ATP9B: variants seen among roughly 807,000 people sequenced by gnomAD.
ATP9B encodes the protein probable phospholipid-transporting ATPase IIB.
ATP9B carries 110 observed loss-of-function variants against 146.1 expected under a neutral mutation model. The ratio of observed to expected loss-of-function variants is 0.75; its 90% CI spans 0.65 to 0.88. ATP9B has a LOEUF of 0.88. Ranked by LOEUF, ATP9B falls within the 40% of genes least tolerant of loss-of-function variation. The probability of loss-of-function intolerance (pLI) is 0.00; values close to 1 mark genes in which losing one functional copy is unlikely to be tolerated. For synonymous variants in ATP9B, 604 were observed against 569.7 expected (o/e 1.06, Z -0.86); for missense variants, 1,499 against 1,496.4 (o/e 1.00, Z -0.03).
chr18:79,214,076 A>G, intron 11 of ATP9B, 38 bp downstream of exon 11: 1 of 1,471,788 alleles, frequency 6.8e-7, no homozygotes, highest in Middle Eastern at 1.8e-4. Context: ...TAATGAACTT[A>G]TTTTTCCTTT....
chr18:79,321,492 C>T (rs1599950490), intron 15 of ATP9B, among the ~76,000 whole-genome samples: 1 of 152,188 alleles, frequency 6.6e-6, no homozygotes, highest in Non-Finnish European at 1.5e-5. Flanking sequence ...AAGCGATTCT[C>T]CTGCCTCAGC....
intron 4 of ATP9B, among the ~76,000 whole-genome samples, chr18:79,125,922 A>T (rs1219270801): frequency 6.6e-6 from 1 of 152,216 alleles, no homozygotes; most frequent in Non-Finnish European, 1.5e-5. Flanking sequence ...CAGTCATTGT[A>T]AATTTTGTAT....
chr18:79,164,684 A>C (rs2094938556), intron 7 of ATP9B, among the ~76,000 whole-genome samples: 1 of 152,178 alleles, frequency 6.6e-6, no homozygotes. Flanking sequence ...GCGCCACTGC[A>C]CTCCAGGCTG....
At chr18:79,207,082 C>T in intron 10 of ATP9B, 70 bp downstream of exon 10, 3 of 1,454,474 alleles carry the variant, frequency 2.1e-6, no homozygotes, top group South Asian at 1.2e-5. Context: ...TCCAGGGACT[C>T]CAAACAAGGG....
intron 25 of ATP9B, among the ~76,000 whole-genome samples, chr18:79,356,447 C>T (rs2096953725): frequency 6.6e-6 from 1 of 152,210 alleles, no homozygotes; most frequent in African/African-American, 2.4e-5. Context: ...ATATTTACAG[C>T]AGTTTTATTT....
intron 7 of ATP9B, chr18:79,174,254 C>T: frequency 2.9e-6 from 1 of 340,888 alleles, no homozygotes; most frequent in Non-Finnish European, 5.8e-6. Context: ...GTGTAATGGA[C>T]TGCTGCGTCA....
chr18:79,305,022 G>C (rs113678419), intron 14 of ATP9B, among the ~76,000 whole-genome samples: 2 of 151,642 alleles, frequency 1.3e-5, no homozygotes, highest in Non-Finnish European at 2.9e-5. Flanking sequence ...ACTGCTCCCC[G>C]GACTTGCAGA....
At chr18:79,185,899 G>A (rs2095304200) in intron 8 of ATP9B, among the ~76,000 whole-genome samples, 1 of 152,178 alleles carries the variant, frequency 6.6e-6, no homozygotes, top group African/African-American at 2.4e-5. Context: ...TGGAAGAGCT[G>A]AGGACACAGC....
At chr18:79,271,236 TTTATTA>T (rs556752249) in intron 12 of ATP9B, among the ~76,000 whole-genome samples, 4 of 151,604 alleles carry the variant, frequency 2.6e-5, no homozygotes, top group Non-Finnish European at 5.9e-5. Context: ...CTGTATTTTC[TTTATTA>T]TTATTATTAT....
intron 1 of ATP9B, chr18:79,087,311 C>T (rs1238549794): frequency 1.3e-5 from 2 of 152,226 alleles, no homozygotes; most frequent in Non-Finnish European, 2.9e-5. Context: ...GCTTCCAACA[C>T]ATGAATTTGG....
intron 1 of ATP9B, among the ~76,000 whole-genome samples, chr18:79,096,027 A>G (rs1290252768): frequency 6.6e-6 from 1 of 152,258 alleles, no homozygotes; most frequent in African/African-American, 2.4e-5. Context: ...ACAGACAGCT[A>G]CATACTGTCG....
Position 79,261,533 on chromosome 18 carries a change from C to T in ATP9B, c.1268+7992C>T, listed in dbSNP as rs369806638. Among the ~76,000 whole-genome samples, 20 of 152,192 alleles carry T rather than the reference C, an allele frequency of 1.3e-4. No homozygotes were observed. In the East Asian group the frequency reaches 3.5e-3, roughly 27 times the overall value. On this transcript the variant is annotated intron_variant, in intron 12 of 29. Coordinates refer to ENST00000426216, the MANE Select transcript of ATP9B (RefSeq NM_198531.5). Reference sequence around the variant, plus strand: ...AGAGCTGGAGAGAGGCAGAGCAGCCCACCTCCACCCTCCACACCCCACCAC... The same window carrying T: ...AGAGCTGGAGAGAGGCAGAGCAGCCTACCTCCACCCTCCACACCCCACCAC...
chr18:79,108,120 G>C (rs2075774493), intron 2 of ATP9B, among the ~76,000 whole-genome samples: 1 of 152,150 alleles, frequency 6.6e-6, no homozygotes, highest in Non-Finnish European at 1.5e-5. Context: ...ATGAGCCCCT[G>C]CCATGGGGGA....
intron 24 of ATP9B, 70 bp from the exon 25 acceptor site, chr18:79,348,062 C>A: frequency 1.2e-6 from 2 of 1,605,632 alleles, no homozygotes; most frequent in Non-Finnish European, 1.7e-6. Flanking sequence ...TAGCGAGGCC[C>A]CTGAGAGGCT....
At chr18:79,095,691 T>G (rs1424140946) in intron 1 of ATP9B, 1 of 152,220 alleles carries the variant, frequency 6.6e-6, no homozygotes, top group African/African-American at 2.4e-5. Flanking sequence ...CCACAAATAC[T>G]TGATGCAAAA....
At chr18:79,193,848 G>T (rs1312833427) in intron 9 of ATP9B, among the ~76,000 whole-genome samples, 1 of 152,168 alleles carries the variant, frequency 6.6e-6, no homozygotes, top group Non-Finnish European at 1.5e-5. Context: ...ATTTGTAATT[G>T]CTGCAGTTAT....
chr18:79,318,047 T>G (rs1422775433), intron 15 of ATP9B, among the ~76,000 whole-genome samples: 1 of 152,216 alleles, frequency 6.6e-6, no homozygotes, highest in African/African-American at 2.4e-5. Flanking sequence ...TAGCCCATAG[T>G]ATGAAACAAA....
intron 12 of ATP9B, among the ~76,000 whole-genome samples, chr18:79,262,014 A>T (rs968855492): frequency 1.3e-5 from 2 of 151,928 alleles, no homozygotes; most frequent in Admixed American, 1.3e-4. Flanking sequence ...AGCTCAGTAC[A>T]CGCCCCACGC....
intron 11 of ATP9B, among the ~76,000 whole-genome samples, chr18:79,216,674 G>A (rs992112869): frequency 6.6e-6 from 1 of 152,026 alleles, no homozygotes; most frequent in East Asian, 1.9e-4. Context: ...CCGCTGTGTG[G>A]GCATTCCTTC....
Sources: allele counts gnomAD v4.1 joint callset (sites outside exome capture counted in the v4.1 genomes callset), GRCh38; gene constraint gnomAD v4.1.1; transcripts MANE v1.5; gene names NCBI Gene and HGNC (gene_info 2026-07-23, HGNC 2026-07-21).